SRRM4: variants seen among roughly 807,000 people sequenced by gnomAD.
SRRM4 encodes serine/arginine repetitive matrix 4, also known as serine/arginine repetitive matrix protein 4.
In SRRM4, 33 loss-of-function variants were observed where a neutral mutation model predicts 68.9. The observed-to-expected ratio is 0.48, with a 90% CI of 0.36 to 0.64. The LOEUF (loss-of-function observed/expected upper bound fraction) is 0.64. Among genes scored for constraint, SRRM4 ranks in the 30% least tolerant of loss-of-function variants. The probability of loss-of-function intolerance (pLI) is 0.00; values close to 1 mark genes in which losing one functional copy is unlikely to be tolerated. For synonymous variants in SRRM4, 318 were observed against 318.8 expected, an observed-to-expected ratio of 1.00 and a Z score of 0.03; for missense variants, 817 against 827.1, an observed-to-expected ratio of 0.99 and a Z score of 0.15.
intron 8 of SRRM4, among the ~76,000 whole-genome samples, chr12:119,133,390 C>G (rs1170371227): frequency 6.6e-6 from 1 of 152,104 alleles, no homozygotes; most frequent in Non-Finnish European, 1.5e-5. Context: ...TGGTAGTAGT[C>G]ATAGTAATAG....
rs559944133 is a variant in SRRM4, at chr12:119,043,349, T to C, written c.132-58887T>C. 2.2e-3 allele frequency among the ~76,000 whole-genome samples: 337 copies of C among 151,514 alleles called. 2 individuals carry two copies. The highest frequency in any genetic ancestry group is 7.8e-3 in the African/African-American group (321 of 41,264). On this transcript the variant is annotated intron_variant, in intron 1 of 12. Coordinates refer to ENST00000267260, the MANE Select transcript of SRRM4 (RefSeq NM_194286.4). The stretch of plus-strand genomic sequence containing the variant: ...GTGGGAGCTGAACAATTAGAACACC[T>C]GGACACAGGGAGGGGAACAGGGGAA...
rs1954290921 is a variant in SRRM4 at position 119,130,620 on chromosome 12, C to G, written c.615-58C>G. 1.8e-5 allele frequency: 28 copies of G among 1,542,470 alleles called. 1 individual carries two copies. The South Asian group carries it at 3.2e-4, about 18-fold the overall frequency. ...CCTCAGATCCTGTTGGTCCTGCATA[C>G]ATCTCCCTACCATGCTCCCCTTCAA... On this transcript the variant is annotated intron_variant, in intron 7 of 12. Transcript: ENST00000267260.
At chr12:119,032,148 A>C (rs1000251454) in intron 1 of SRRM4, among the ~76,000 whole-genome samples, 16 of 152,110 alleles carry the variant, frequency 1.1e-4, no homozygotes, top group African/African-American at 3.6e-4. Context: ...TGGTATAATA[A>C]TATCTCATAG....
chr12:119,065,749 C>T (rs552746448), intron 1 of SRRM4, among the ~76,000 whole-genome samples: 32 of 151,972 alleles, frequency 2.1e-4, no homozygotes, highest in Non-Finnish European at 4.1e-4. Context: ...AAGACTCCAT[C>T]TCAAAATAAA....
rs150431898 is a variant in SRRM4, at chr12:119,026,728, T to C, written c.131+44715T>C. 3.9e-3 allele frequency among the ~76,000 whole-genome samples: 588 copies of C among 152,108 alleles called. 7 individuals are homozygous for C. The highest frequency in any genetic ancestry group is 0.013 in the African/African-American group (555 of 41,484). On this transcript the variant is annotated intron_variant, in intron 1 of 12. Coordinates refer to ENST00000267260, the MANE Select transcript of SRRM4 (RefSeq NM_194286.4). ...CTCACCCGGCTAATTTTTGTTTTTT[T>C]TGTAGAGACAGGGTTTCAACAGAGG... is the stretch of plus-strand genomic sequence containing the variant.
At chr12:119,018,293 C>G (rs1953493935) in intron 1 of SRRM4, among the ~76,000 whole-genome samples, 1 of 152,080 alleles carries the variant, frequency 6.6e-6, no homozygotes, top group Non-Finnish European at 1.5e-5. Flanking sequence ...TTTGGAAAGT[C>G]CTTGGGCATG....
At position 118,981,802 on chromosome 12, in the gene SRRM4, G is replaced by A; in HGVS notation, c.-81G>A. On this transcript the variant is annotated 5_prime_UTR_variant, in exon 1 of 13. Transcript: ENST00000267260. ...GGGTTTCACCCGGACAGAGCCGGGA[G>A]CTGGGTGTCGCCCCCGTTTGGAATC... 1 of 1,511,024 alleles carries A rather than the reference G, an allele frequency of 6.6e-7. No homozygotes were observed. Among genetic ancestry groups the A allele is most frequent in the Non-Finnish European group, 8.9e-7 (1 of 1,119,766 alleles). 93.6% of individuals were successfully genotyped at this position (1,511,024 alleles called of 1,614,324 possible).
intron 1 of SRRM4, among the ~76,000 whole-genome samples, chr12:119,023,941 C>T (rs1339773202): frequency 6.6e-6 from 1 of 152,220 alleles, no homozygotes; most frequent in African/African-American, 2.4e-5. Flanking sequence ...CATGCTTTGA[C>T]CTTAACAAGA....
chr12:119,025,091 C>T (rs1361259206), intron 1 of SRRM4, among the ~76,000 whole-genome samples: 1 of 152,042 alleles, frequency 6.6e-6, no homozygotes. Context: ...AGTGCAGAGA[C>T]ACGTAACCCT....
chr12:119,019,601 A>G (rs1330167273), intron 1 of SRRM4, among the ~76,000 whole-genome samples: 1 of 152,086 alleles, frequency 6.6e-6, no homozygotes, highest in Non-Finnish European at 1.5e-5. Flanking sequence ...CTGAAATTAC[A>G]TAGTTTATTA....
chr12:119,122,237 C>T (rs146376834), intron 6 of SRRM4, 117 bp downstream of exon 6: 213 of 433,996 alleles, frequency 4.9e-4, no homozygotes, highest in African/African-American at 4.0e-3. Flanking sequence ...AGAAGGTGAG[C>T]GGGTGAAAGG....
rs34680171 is a variant in SRRM4 at position 119,126,014 on chromosome 12, C to CTTTTTTTTTTTTTTTTT, written c.614+546_614+562dup. On this transcript the variant is annotated intron_variant, in intron 7 of 12. Coordinates refer to ENST00000267260, the MANE Select transcript of SRRM4 (RefSeq NM_194286.4). Reference sequence around the variant, plus strand: ...AGGAATGACAACACCATACTAGCTGCTTTTTTTTTTTTTTTTTTTTTTTTT... The same window carrying CTTTTTTTTTTTTTTTTT: ...AGGAATGACAACACCATACTAGCTGCTTTTTTTTTTTTTTTTTTTTTTTTTTTTTTTTTTTTTTTTTT... Among the ~76,000 whole-genome samples the CTTTTTTTTTTTTTTTTT allele has an allele frequency of 2.1e-4, 15 of 71,162 alleles. 1 individual carries two copies. Among genetic ancestry groups the CTTTTTTTTTTTTTTTTT allele is most frequent in the South Asian group, 1.5e-3 (2 of 1,296 alleles). 46.7% of individuals were successfully genotyped at this position (71,162 alleles called of 152,430 possible).
intron 8 of SRRM4, among the ~76,000 whole-genome samples, chr12:119,131,632 G>C (rs1374042125): frequency 6.6e-6 from 1 of 152,212 alleles, no homozygotes; most frequent in Non-Finnish European, 1.5e-5. Flanking sequence ...TTCAGTCCTA[G>C]CTTGGCCACT....
chr12:119,067,901 G>A (rs986572185), intron 1 of SRRM4, among the ~76,000 whole-genome samples: 4 of 152,064 alleles, frequency 2.6e-5, no homozygotes, highest in Admixed American at 6.6e-5. Context: ...TGCACATAAA[G>A]CTCTTAGCAC....
chr12:119,059,428 G>C (rs1258028799), intron 1 of SRRM4, among the ~76,000 whole-genome samples: 1 of 152,174 alleles, frequency 6.6e-6, no homozygotes, highest in Non-Finnish European at 1.5e-5. Context: ...GGAGCCAGAG[G>C]AAGCTTACAG....
At chr12:119,051,245 T>C (rs1953740504) in intron 1 of SRRM4, among the ~76,000 whole-genome samples, 1 of 152,208 alleles carries the variant, frequency 6.6e-6, no homozygotes, top group Non-Finnish European at 1.5e-5. Flanking sequence ...CCTGAAGCAA[T>C]GTGCATTTAC....
At chr12:119,028,022 G>A (rs1953560601) in intron 1 of SRRM4, among the ~76,000 whole-genome samples, 1 of 152,246 alleles carries the variant, frequency 6.6e-6, no homozygotes, top group African/African-American at 2.4e-5. Flanking sequence ...CTAATACTTA[G>A]TGGGTCTCAA....
At chr12:119,143,182 A>G (rs11832465) in intron 8 of SRRM4, among the ~76,000 whole-genome samples, 12,105 of 152,240 alleles carry the variant, frequency 0.08, 1,262 homozygotes, top group African/African-American at 0.24. Context: ...CATCCTGACC[A>G]CAGGAGTTAT....
intron 1 of SRRM4, among the ~76,000 whole-genome samples, chr12:119,037,685 G>C (rs1482953117): frequency 6.6e-6 from 1 of 152,168 alleles, no homozygotes; most frequent in Non-Finnish European, 1.5e-5. Flanking sequence ...TATATGTGTT[G>C]CTGGGCATGT....
Sources: gnomAD v4.1 joint callset for allele counts (sites outside exome capture counted in the v4.1 genomes callset) on GRCh38, gnomAD v4.1.1 for gene constraint, MANE v1.5 for transcripts, NCBI Gene and HGNC (gene_info 2026-07-23, HGNC 2026-07-21) for gene names.